The following KALRN variants were observed in gnomAD, a reference collection of about 807,000 sequenced individuals.
KALRN encodes the protein kalirin.
A neutral mutation model predicts 353.7 loss-of-function variants in KALRN; 70 were observed. The observed-to-expected ratio is 0.20, with a 90% CI of 0.16 to 0.24. The LOEUF is 0.24. Among genes scored for constraint, KALRN ranks in the 10% least tolerant of loss-of-function variants. The pLI, the probability that KALRN is intolerant of heterozygous loss-of-function variation, is 1.00. For synonymous variants in KALRN, 1,391 were observed against 1,434.8 expected, an observed-to-expected ratio of 0.97 and a Z score of 0.69; for missense variants, 2,791 against 3,756.7, an observed-to-expected ratio of 0.74 and a Z score of 6.72.
chr3:124,159,574 C>CT (rs10576641), intron 1 of KALRN, among the ~76,000 whole-genome samples: 21,852 of 143,846 alleles, frequency 0.15, 1,995 homozygotes, highest in East Asian at 0.43. Context: ...ACCTGGCTGG[C>CT]TTTTTTTTTT....
intron 5 of KALRN, among the ~76,000 whole-genome samples, chr3:124,290,270 G>C (rs944388879): frequency 6.6e-6 from 1 of 152,094 alleles, no homozygotes; most frequent in Non-Finnish European, 1.5e-5. Flanking sequence ...CTGGTCTTGG[G>C]GGGCAGACAG....
At chr3:124,366,096 T>G (rs1209629569) in intron 10 of KALRN, among the ~76,000 whole-genome samples, 1 of 152,242 alleles carries the variant, frequency 6.6e-6, no homozygotes, top group Non-Finnish European at 1.5e-5. Flanking sequence ...TCTTCTAAGC[T>G]ATGATAAGCA....
chr3:124,303,743 G>A (rs972767757), intron 6 of KALRN, among the ~76,000 whole-genome samples: 2 of 152,250 alleles, frequency 1.3e-5, no homozygotes, highest in South Asian at 2.1e-4. Flanking sequence ...GCAGCTGGGC[G>A]GGAGGAATCC....
intron 10 of KALRN, among the ~76,000 whole-genome samples, chr3:124,379,871 AT>A (rs2087098479): frequency 6.6e-6 from 1 of 152,084 alleles, no homozygotes; most frequent in Non-Finnish European, 1.5e-5. Flanking sequence ...TGTTATCTTG[AT>A]TGCTGCCCTC....
intron 51 of KALRN, among the ~76,000 whole-genome samples, chr3:124,692,251 G>A (rs959083832): frequency 3.3e-5 from 5 of 152,240 alleles, no homozygotes; most frequent in African/African-American, 9.6e-5. Flanking sequence ...GGTCTTTTGA[G>A]ACTAGCAGAG....
At chr3:124,068,911 T>C (rs532642290) in intron 1 of KALRN, among the ~76,000 whole-genome samples, 1 of 152,250 alleles carries the variant, frequency 6.6e-6, no homozygotes, top group Non-Finnish European at 1.5e-5. Context: ...ATTTGTGATA[T>C]GAAAAGAGCC....
rs368400674 is a variant in KALRN, at chr3:124,707,394, TTTCCTTCCTTCCTTCCTTCCTTCC to T, written c.8075+5307_8075+5330del. Among the ~76,000 whole-genome samples the T allele has an allele frequency of 6.5e-4, 91 of 140,806 alleles. 1 individual carries two copies. In the South Asian group the frequency reaches 0.015, roughly 24 times the overall value. The allele number at this position is 140,806 out of a possible 152,430, so 92.4% of individuals were successfully genotyped here. A position where few individuals can be genotyped will look rare whatever the true frequency, so the allele number is the denominator to read the frequency against. On this transcript the variant is annotated intron_variant, in intron 57 of 59. Transcript: ENST00000682506. ...TGGCTAATGACAAGGAGAATAGCAG[TTTCCTTCCTTCCTTCCTTCCTTCC>T]TTCCTTCCTTCCTTCCTTCCTTCCT...
intron 1 of KALRN, among the ~76,000 whole-genome samples, chr3:124,059,077 G>A (rs140455611): frequency 1.1e-3 from 166 of 152,204 alleles, no homozygotes; most frequent in African/African-American, 3.7e-3. Flanking sequence ...AAGGAATTGT[G>A]TAGTGTGGAG....
chr3:124,615,046 G>A (rs1202404782), intron 34 of KALRN, among the ~76,000 whole-genome samples: 1 of 152,230 alleles, frequency 6.6e-6, no homozygotes, highest in Non-Finnish European at 1.5e-5. Flanking sequence ...GGTTAGGCAA[G>A]CCAAAATTAT....
chr3:124,586,043 G>T (rs1236684119), intron 34 of KALRN, among the ~76,000 whole-genome samples: 2 of 152,152 alleles, frequency 1.3e-5, no homozygotes, highest in Non-Finnish European at 2.9e-5. Flanking sequence ...CTTTTCCTGC[G>T]CGTCATTAAG....
At chr3:124,074,500 A>G (rs1050681727) in intron 1 of KALRN, among the ~76,000 whole-genome samples, 20 of 152,216 alleles carry the variant, frequency 1.3e-4, no homozygotes, top group African/African-American at 4.6e-4. Context: ...TGGAGCCCAC[A>G]ATCACAAGGT....
At chr3:124,614,241 C>CTTATTTATTTAT (rs10666219) in intron 34 of KALRN, among the ~76,000 whole-genome samples, 17 of 142,942 alleles carry the variant, frequency 1.2e-4, no homozygotes, top group East Asian at 6.2e-4. Context: ...TTCTAAAATT[C>CTTATTTATTTAT]TTATTTATTT....
intron 27 of KALRN, among the ~76,000 whole-genome samples, chr3:124,479,985 A>C (rs1374437401): frequency 2.6e-5 from 4 of 152,014 alleles, no homozygotes; most frequent in Non-Finnish European, 5.9e-5. Flanking sequence ...GGCCTCCCAA[A>C]GTGCTGGGAC....
At chr3:124,460,837 T>C (rs1485793012) in intron 23 of KALRN, among the ~76,000 whole-genome samples, 1 of 152,196 alleles carries the variant, frequency 6.6e-6, no homozygotes, top group East Asian at 1.9e-4. Flanking sequence ...GTTTAACAAT[T>C]GTCTAAGCAC....
At chr3:124,444,299 A>G (rs746112118) in intron 19 of KALRN, among the ~76,000 whole-genome samples, 22 of 152,218 alleles carry the variant, frequency 1.4e-4, no homozygotes, top group Admixed American at 2.6e-4. Context: ...TAGTGGTGAT[A>G]GCAGAGGTAC....
intron 1 of KALRN, among the ~76,000 whole-genome samples, chr3:124,185,759 G>A (rs552895406): frequency 6.6e-6 from 1 of 152,298 alleles, no homozygotes; most frequent in East Asian, 1.9e-4. Flanking sequence ...GTGGGGAGAG[G>A]GAGAAGAGGA....
intron 1 of KALRN, among the ~76,000 whole-genome samples, chr3:124,083,012 C>T (rs2060623816): frequency 6.6e-6 from 1 of 152,212 alleles, no homozygotes; most frequent in South Asian, 2.1e-4. Context: ...AGGGTTACAC[C>T]CACCTCCACT....
intron 1 of KALRN, among the ~76,000 whole-genome samples, chr3:124,120,742 ATATT>A (rs1187110977): frequency 8.3e-5 from 12 of 144,788 alleles, no homozygotes; most frequent in Non-Finnish European, 1.4e-4. Context: ...ATATATATAT[ATATT>A]TTCACATAAT....
intron 1 of KALRN, among the ~76,000 whole-genome samples, chr3:124,076,550 C>T (rs537613881): frequency 7.2e-5 from 11 of 152,338 alleles, no homozygotes; most frequent in African/African-American, 2.6e-4. Flanking sequence ...CCCGCATCTT[C>T]CATTGAGGGA....
Sources: allele counts gnomAD v4.1 joint callset (sites outside exome capture counted in the v4.1 genomes callset), GRCh38; gene constraint gnomAD v4.1.1; transcripts MANE v1.5; gene names NCBI Gene and HGNC (gene_info 2026-07-23, HGNC 2026-07-21).